Variants in CLIC2 observed in about 807,000 individuals in gnomAD.
CLIC2 encodes the protein CLIC family member 2.
A neutral mutation model predicts 14.8 loss-of-function variants in CLIC2; 9 were observed. That is an observed-to-expected ratio of 0.61 (90% CI 0.37 to 1.06). The LOEUF (loss-of-function observed/expected upper bound fraction) is 1.06, where lower values mean the gene tolerates loss of function less well. CLIC2 is among the 50% of genes least tolerant of loss of function. The probability of loss-of-function intolerance (pLI) is 0.01; values close to 1 mark genes in which losing one functional copy is unlikely to be tolerated. For missense variants in CLIC2, 148 were observed against 181.4 expected (o/e 0.82, Z 1.06); for synonymous variants, 61 against 66.3 (o/e 0.92, Z 0.39).
In CLIC2 at chrX:155,279,295, G is replaced by C; in HGVS notation, c.436C>G (p.Leu146Val). 1 of 1,210,189 alleles carries C rather than the reference G, an allele frequency of 8.3e-7. No homozygotes were observed. The highest frequency in any genetic ancestry group is 1.1e-6 in the Non-Finnish European group (1 of 894,028). ...AGTGGGGTGTTTAAGTAGTCATCCA[G>C]ACGCTTGAATTCTTTGAGCAGAGAT... is the stretch of plus-strand genomic sequence containing the variant. Reference protein sequence around the residue: ...EKSLLKEFKRLDDYLNTPLLD... With the variant: ...EKSLLKEFKRVDDYLNTPLLD... Residue 146 changes from leucine (L) to valine (V), a missense_variant, in exon 5 of 6, where the codon CTG becomes GTG. Leu to Val is a conservative substitution (Grantham distance 32). Transcript: ENST00000369449.
At chrX:155,293,055 T>A in intron 3 of CLIC2, 1 of 624,584 alleles carries the variant, frequency 1.6e-6, no homozygotes, top group Non-Finnish European at 2.8e-6. Context: ...CCACTCTGGA[T>A]CCTGAGCTCC....
At chrX:155,320,119 C>T (rs1557321473) in intron 1 of CLIC2, among the ~76,000 whole-genome samples, 1 of 112,393 alleles carries the variant, frequency 8.9e-6, no homozygotes, top group East Asian at 2.8e-4. Flanking sequence ...GAAGGGGTGG[C>T]TGTGGGTGCA....
At chrX:155,291,231 C>T in intron 3 of CLIC2, 1 of 967,702 alleles carries the variant, frequency 1.0e-6, no homozygotes, top group Non-Finnish European at 1.5e-6. Flanking sequence ...ATCGTTATCC[C>T]AGGAATCTGA....
chrX:155,313,197 C>CAAAAAAAAAAAAAAAAAAAAAA (rs59429236), intron 1 of CLIC2, among the ~76,000 whole-genome samples: 1 of 32,700 alleles, frequency 3.1e-5, no homozygotes. Context: ...ATAAATAAGG[C>CAAAAAAAAAAAAAAAAAAAAAA]AAAAAAAAAA....
chrX:155,329,517 C>T (rs1423368720), intron 1 of CLIC2, among the ~76,000 whole-genome samples: 1 of 106,949 alleles, frequency 9.4e-6, no homozygotes, highest in Non-Finnish European at 2.0e-5. Context: ...TGGCTTTTAT[C>T]CAAAAGACAG....
chrX:155,277,676 T>G lies in CLIC2; in HGVS notation c.*227A>C. ...TGATGCTTTCCATGTCATTCAGGAT[T>G]GCAGTGGTTTGCCATACAGATAAAG... On this transcript the variant is annotated 3_prime_UTR_variant, in exon 6 of 6. Transcript: ENST00000369449. 2.7e-6 allele frequency: 1 copy of G among 364,041 alleles called. No homozygotes were observed. Among genetic ancestry groups the G allele is most frequent in the East Asian group, 4.9e-5 (1 of 20,264 alleles). 30.0% of individuals were successfully genotyped at this position (364,041 alleles called of 1,213,427 possible). A position where few individuals can be genotyped will look rare whatever the true frequency, so the allele number is the denominator to read the frequency against.
At chrX:155,324,580 G>A (rs1036341882) in intron 1 of CLIC2, among the ~76,000 whole-genome samples, 2 of 111,546 alleles carry the variant, frequency 1.8e-5, no homozygotes, top group African/African-American at 6.5e-5. Flanking sequence ...ACGGAATCTG[G>A]ACCCCTTCCT....
At chrX:155,321,922 T>C (rs1201432225) in intron 1 of CLIC2, among the ~76,000 whole-genome samples, 1 of 110,884 alleles carries the variant, frequency 9.0e-6, no homozygotes, top group African/African-American at 3.3e-5. Flanking sequence ...TAGTTCCTGA[T>C]AAAGCAAAAT....
At position 155,300,610 on chromosome X, in the gene CLIC2, T is replaced by G. The variant is rs1457126719; in HGVS notation, c.58-1465A>C. Reference sequence around the variant, plus strand: ...GATCCCATTTGTCAATTTTGTCTTTTGTTGCCATTGCTTTTGGTGTTTTAG... The same window carrying G: ...GATCCCATTTGTCAATTTTGTCTTTGGTTGCCATTGCTTTTGGTGTTTTAG... On this transcript the variant is annotated intron_variant, in intron 1 of 5. Transcript: ENST00000369449. Among the ~76,000 whole-genome samples, 745 of 110,520 alleles carry G rather than the reference T, an allele frequency of 6.7e-3. 6 individuals are homozygous for G. The highest frequency in any genetic ancestry group is 0.023 in the African/African-American group (706 of 30,462).
chrX:155,307,888 G>A (rs2075061280), intron 1 of CLIC2, among the ~76,000 whole-genome samples: 1 of 110,835 alleles, frequency 9.0e-6, no homozygotes, highest in African/African-American at 3.3e-5. Flanking sequence ...AAATAAATTG[G>A]GCAAAAGAGA....
At chrX:155,298,997 CT>C (rs782072010) in intron 2 of CLIC2, 38 bp downstream of exon 2, 4 of 1,169,106 alleles carry the variant, frequency 3.4e-6, no homozygotes, top group Admixed American at 2.2e-5. Flanking sequence ...ATCTACCAAT[CT>C]CAATTCCTAG....
chrX:155,326,842 T>C (rs1258429297), intron 1 of CLIC2, among the ~76,000 whole-genome samples: 1 of 111,305 alleles, frequency 9.0e-6, no homozygotes, highest in East Asian at 2.8e-4. Context: ...TCCCAAAAGG[T>C]GATATACTGT....
chrX:155,284,649 C>T (rs1557316917), intron 3 of CLIC2, among the ~76,000 whole-genome samples: 1 of 111,848 alleles, frequency 8.9e-6, no homozygotes, highest in African/African-American at 3.3e-5. Flanking sequence ...CTTTAAAATT[C>T]TTTCCACAAC....
chrX:155,292,667 G>C, intron 3 of CLIC2: 1 of 292,310 alleles, frequency 3.4e-6, no homozygotes. Flanking sequence ...CTACTGGGGA[G>C]GCTGAGGCAG....
chrX:155,290,879 C>A (rs1263626379), intron 3 of CLIC2: 2 of 665,938 alleles, frequency 3.0e-6, no homozygotes, highest in African/African-American at 2.1e-5. Flanking sequence ...AGCGTCCACA[C>A]CCACGTCAGT....
intron 1 of CLIC2, among the ~76,000 whole-genome samples, chrX:155,305,264 G>A (rs1357860537): frequency 8.9e-6 from 1 of 112,311 alleles, no homozygotes; most frequent in African/African-American, 3.2e-5. Flanking sequence ...CGAGCCAGGT[G>A]CGGGATATGT....
intron 1 of CLIC2, among the ~76,000 whole-genome samples, chrX:155,301,185 C>T (rs1229285131): frequency 1.3e-3 from 124 of 95,383 alleles, no homozygotes; most frequent in African/African-American, 4.4e-3. Flanking sequence ...GCCATTTTCA[C>T]GATATTGATT....
At chrX:155,284,254 A>ATT (rs781838836) in intron 3 of CLIC2, among the ~76,000 whole-genome samples, 50,135 of 92,516 alleles carry the variant, frequency 0.54, 13,212 homozygotes, top group Middle Eastern at 0.75. Flanking sequence ...TCTCCCTGGG[A>ATT]TTTTTTTTTT....
chrX:155,305,530 G>T (rs782017194), intron 1 of CLIC2, among the ~76,000 whole-genome samples: 1 of 112,251 alleles, frequency 8.9e-6, no homozygotes, highest in South Asian at 3.7e-4. Flanking sequence ...GAAATCACCC[G>T]TCTTCTGCGT....
Sources: gnomAD v4.1 joint callset for allele counts (sites outside exome capture counted in the v4.1 genomes callset) on GRCh38, gnomAD v4.1.1 for gene constraint, MANE v1.5 for transcripts, NCBI Gene and HGNC (gene_info 2026-07-23, HGNC 2026-07-21) for gene names.